DOT1L: variants seen among roughly 807,000 people sequenced by gnomAD.
DOT1L encodes DOT1 like histone lysine methyltransferase, also known as histone-lysine N-methyltransferase, H3 lysine-79 specific.
In DOT1L, 33 loss-of-function variants were observed where a neutral mutation model predicts 153.3. That is an observed-to-expected ratio of 0.22 (90% CI 0.16 to 0.29). The LOEUF is 0.29. Among genes scored for constraint, DOT1L ranks in the 10% least tolerant of loss-of-function variants. DOT1L has a pLI of 1.00. For synonymous variants in DOT1L, 1,135 were observed against 965.1 expected (o/e 1.18, Z -3.26); for missense variants, 1,847 against 2,119.9 (o/e 0.87, Z 2.53).
chr19:2,206,246 A>G (rs1392329769), intron 9 of DOT1L, among the ~76,000 whole-genome samples: 1 of 152,008 alleles, frequency 6.6e-6, no homozygotes, highest in Non-Finnish European at 1.5e-5. Flanking sequence ...TCAGCCTCCC[A>G]AAGTGCTGGG....
intron 1 of DOT1L, among the ~76,000 whole-genome samples, chr19:2,171,890 G>A (rs1331656854): frequency 1.3e-5 from 2 of 152,180 alleles, no homozygotes; most frequent in Non-Finnish European, 2.9e-5. Context: ...TTACAAGTGG[G>A]GCTTCCTGGA....
At chr19:2,219,664 G>A (rs1272401116) in intron 22 of DOT1L, among the ~76,000 whole-genome samples, 1 of 152,254 alleles carries the variant, frequency 6.6e-6, no homozygotes, top group East Asian at 1.9e-4. Context: ...ACTGACCTTT[G>A]TTGGACTTGG....
intron 1 of DOT1L, among the ~76,000 whole-genome samples, chr19:2,174,458 G>T (rs1328495822): frequency 6.6e-6 from 1 of 152,078 alleles, no homozygotes; most frequent in African/African-American, 2.4e-5. Flanking sequence ...AGGCCGAGGC[G>T]GGCAGATCAC....
intron 9 of DOT1L, among the ~76,000 whole-genome samples, chr19:2,205,536 G>A (rs2023458716): frequency 6.6e-6 from 1 of 152,170 alleles, no homozygotes; most frequent in South Asian, 2.1e-4. Flanking sequence ...GTTTGTCTTT[G>A]CATTTATCAC....
intron 9 of DOT1L, among the ~76,000 whole-genome samples, chr19:2,205,619 C>T (rs1049369799): frequency 6.6e-6 from 1 of 152,184 alleles, no homozygotes; most frequent in Non-Finnish European, 1.5e-5. Flanking sequence ...TTCCAGTTTG[C>T]ATCTACAGTT....
At position 2,178,504 on chromosome 19, in the gene DOT1L, G is replaced by A. The variant is rs192246872; in HGVS notation, c.82-2209G>A. Among the ~76,000 whole-genome samples, 358 of 145,226 alleles carry A rather than the reference G, an allele frequency of 2.5e-3. 1 individual carries two copies. Among genetic ancestry groups the A allele is most frequent in the African/African-American group, 8.8e-3 (338 of 38,508 alleles). On this transcript the variant is annotated intron_variant, in intron 1 of 27. Coordinates refer to ENST00000398665, the MANE Select transcript of DOT1L (RefSeq NM_032482.3). The stretch of plus-strand genomic sequence containing the variant: ...GCGATCTTGGCTCACTGCAAGCTCC[G>A]CTTCCCGGGTTCACGCCATTCTCCT...
intron 2 of DOT1L, among the ~76,000 whole-genome samples, chr19:2,182,095 CA>C (rs2022267884): frequency 6.6e-6 from 1 of 152,098 alleles, no homozygotes; most frequent in Admixed American, 6.5e-5. Flanking sequence ...GGTGAGGTAG[CA>C]GGTGCCTATA....
chr19:2,228,154 A>G (rs1423759767), intron 27 of DOT1L: 1 of 1,364,596 alleles, frequency 7.3e-7, no homozygotes, highest in Non-Finnish European at 9.8e-7. Context: ...TTGTCTATCA[A>G]GCTCACCTCC....
In DOT1L at chr19:2,191,417, C is replaced by A; in HGVS notation, c.493+177C>A. ...GGCCGTTCCTTTCCCCAGCCCTGAC[C>A]GGGCTCCACCCAGAGGGGAGAAATC... is the stretch of plus-strand genomic sequence containing the variant. On this transcript the variant is annotated intron_variant, in intron 5 of 27. Coordinates refer to ENST00000398665, the MANE Select transcript of DOT1L (RefSeq NM_032482.3). This position sits in a 1 kb window ranked among gnomAD's most constrained non-coding sequence, Gnocchi z 6.8. 1.5e-6 allele frequency: 1 copy of A among 668,426 alleles called. No individual in the cohort carries two copies. The highest frequency in any genetic ancestry group is 2.5e-6 in the Non-Finnish European group (1 of 392,914). 41.4% of individuals were successfully genotyped at this position (668,426 alleles called of 1,614,324 possible).
rs2144873001 is a variant in DOT1L, at chr19:2,217,046, TC to T, written c.2504del (p.Pro835LeufsTer16). On this transcript the variant is annotated frameshift_variant, in exon 21 of 28. Coordinates refer to ENST00000398665, the MANE Select transcript of DOT1L (RefSeq NM_032482.3). LOFTEE classifies it high-confidence loss of function. The surrounding 1 kb of genome is among the most constrained non-coding windows in gnomAD (Gnocchi z 7.3). ...GAGCCCTCAGGACCCGCGGCCCCTG[TC>T]CCCTGGGGCCTTGCAGCTTGCTGGA... The part of the protein sequence containing the change: ...KLSPQDPRPL[S>X]PGALQLAGEK... The T allele has an allele frequency of 6.2e-7, 1 of 1,611,970 alleles. No individual in the cohort carries two copies. The highest frequency in any genetic ancestry group is 1.1e-5 in the South Asian group (1 of 91,032).
intron 19 of DOT1L, among the ~76,000 whole-genome samples, chr19:2,215,021 GC>G (rs1480279969): frequency 6.6e-6 from 1 of 152,144 alleles, no homozygotes; most frequent in Non-Finnish European, 1.5e-5. Flanking sequence ...TTGGAGAACA[GC>G]CTGGCCAACA....
At chr19:2,188,560 C>T (rs969179433) in intron 3 of DOT1L, among the ~76,000 whole-genome samples, 7 of 129,304 alleles carry the variant, frequency 5.4e-5, no homozygotes, top group Non-Finnish European at 1.1e-4. Context: ...CTGGGAGGGG[C>T]CGTCCTGGGC....
intron 3 of DOT1L, among the ~76,000 whole-genome samples, chr19:2,186,795 T>G (rs1361950162): frequency 6.6e-6 from 1 of 152,242 alleles, no homozygotes; most frequent in African/African-American, 2.4e-5. Context: ...CCTGCTGCTG[T>G]GGATTTCACG....
At chr19:2,184,277 C>T (rs559672564) in intron 2 of DOT1L, among the ~76,000 whole-genome samples, 1 of 152,100 alleles carries the variant, frequency 6.6e-6, no homozygotes, top group African/African-American at 2.4e-5. Context: ...CGGTGTTGGC[C>T]AGGTGTGCAG....
rs542589769 is a variant in DOT1L, at chr19:2,231,199, C to T, written c.*1407C>T. On this transcript the variant is annotated 3_prime_UTR_variant, in exon 28 of 28. Transcript: ENST00000398665. ...ATGGGATCTGGGAGTCTGAGCTCCC[C>T]GCATCTGGCCCTGGGCTGTGTGGCA... 1.1e-4 allele frequency: 24 copies of T among 227,848 alleles called. No individual in the cohort carries two copies. Among genetic ancestry groups the T allele is most frequent in the Non-Finnish European group, 1.8e-4 (21 of 114,696 alleles). The allele number at this position is 227,848 out of a possible 1,614,324, so 14.1% of individuals were successfully genotyped here. A position where few individuals can be genotyped will look rare whatever the true frequency, so the allele number is the denominator to read the frequency against.
rs183284857 is a variant in DOT1L, at chr19:2,191,598, G to T, written c.493+358G>T. On this transcript the variant is annotated intron_variant, in intron 5 of 27. Coordinates refer to ENST00000398665, the MANE Select transcript of DOT1L (RefSeq NM_032482.3). This position sits in a 1 kb window ranked among gnomAD's most constrained non-coding sequence, Gnocchi z 6.8. The stretch of plus-strand genomic sequence containing the variant: ...CTCGCTAGCCTGGGCCCCAGCCCGG[G>T]CCCCACCCACGGCTGCAGCCTGCCG... Among the ~76,000 whole-genome samples, 2 of 152,270 alleles carry T rather than the reference G, an allele frequency of 1.3e-5. No individual in the cohort carries two copies. The highest frequency in any genetic ancestry group is 3.9e-4 in the East Asian group (2 of 5,156).
At chr19:2,201,719 C>CT (rs1188846880) in intron 8 of DOT1L, among the ~76,000 whole-genome samples, 1 of 152,244 alleles carries the variant, frequency 6.6e-6, no homozygotes, top group African/African-American at 2.4e-5. Context: ...ATAACAAACT[C>CT]TTAAGAAGCC....
intron 3 of DOT1L, 98 bp from the exon 4 acceptor site, chr19:2,189,634 A>G: frequency 7.2e-7 from 1 of 1,383,388 alleles, no homozygotes; most frequent in Non-Finnish European, 1.0e-6. Flanking sequence ...CCAGGCAGGG[A>G]CCACACCTTG....
chr19:2,169,202 G>A (rs554518847), intron 1 of DOT1L, among the ~76,000 whole-genome samples: 5 of 152,230 alleles, frequency 3.3e-5, no homozygotes, highest in Admixed American at 2.6e-4. Context: ...CAGCCGGGGC[G>A]GGGTGAGCTG....
Sources: gnomAD v4.1 joint callset for allele counts (sites outside exome capture counted in the v4.1 genomes callset) on GRCh38, gnomAD v4.1.1 for gene constraint, Gnocchi (gnomAD v3.1) non-coding constraint, MANE v1.5 for transcripts, NCBI Gene and HGNC (gene_info 2026-07-23, HGNC 2026-07-21) for gene names.